The following PLPP4 variants were observed in gnomAD, a reference collection of about 807,000 sequenced individuals.
PLPP4 encodes the protein diacylglycerol pyrophosphate like 2.
A neutral mutation model predicts 32.2 loss-of-function variants in PLPP4; 20 were observed. That is an observed-to-expected ratio of 0.62 (90% CI 0.44 to 0.90). PLPP4 has a LOEUF of 0.90. Among genes scored for constraint, PLPP4 ranks in the 40% least tolerant of loss-of-function variants. The pLI is 0.00. For synonymous variants in PLPP4, 127 were observed against 133.0 expected (o/e 0.95, Z 0.31); for missense variants, 257 against 353.1 (o/e 0.73, Z 2.18).
intron 6 of PLPP4, among the ~76,000 whole-genome samples, chr10:120,582,207 G>T (rs1418775997): frequency 6.6e-6 from 1 of 152,214 alleles, no homozygotes; most frequent in Non-Finnish European, 1.5e-5. Context: ...CGTTCTGGAG[G>T]CTGGAAGTCT....
At position 120,536,622 on chromosome 10, in the gene PLPP4, T is replaced by C. The variant is rs1847030499; in HGVS notation, c.445+15527T>C. ...ACATAGGGAAATAAGATCCTCAACT[T>C]TGGTCTTCTTGGCAATGGTTTTTTA... On this transcript the variant is annotated intron_variant, in intron 5 of 6. Transcript: ENST00000398250. Among the ~76,000 whole-genome samples the C allele has an allele frequency of 2.7e-5, 4 of 149,566 alleles. 1 individual carries two copies. The South Asian group carries it at 8.4e-4, about 31-fold the overall frequency.
chr10:120,513,624 G>A (rs1279404409), intron 2 of PLPP4, among the ~76,000 whole-genome samples: 4 of 152,166 alleles, frequency 2.6e-5, no homozygotes, highest in Admixed American at 6.5e-5. Flanking sequence ...ATGATTCATC[G>A]TAATTATAGA....
chr10:120,533,294 A>G (rs1366438108), intron 5 of PLPP4, among the ~76,000 whole-genome samples: 3 of 152,084 alleles, frequency 2.0e-5, no homozygotes, highest in Non-Finnish European at 4.4e-5. Flanking sequence ...TCATTTGCTT[A>G]TTGGCCGTTT....
intron 1 of PLPP4, among the ~76,000 whole-genome samples, chr10:120,465,031 A>G (rs1848248546): frequency 6.6e-6 from 1 of 152,228 alleles, no homozygotes; most frequent in Admixed American, 6.5e-5. Context: ...AAAGAAGCAT[A>G]TGGTTTCATA....
intron 1 of PLPP4, 67 bp from the exon 2 acceptor site, chr10:120,503,751 C>T (rs1220597620): frequency 1.3e-6 from 2 of 1,584,338 alleles, no homozygotes; most frequent in African/African-American, 1.3e-5. Flanking sequence ...AGAAGGGGGG[C>T]CTCCTTGGGA....
At chr10:120,559,256 G>A (rs554117999) in intron 5 of PLPP4, among the ~76,000 whole-genome samples, 20 of 149,290 alleles carry the variant, frequency 1.3e-4, no homozygotes, top group African/African-American at 4.9e-4. Flanking sequence ...TTCTTTGTTG[G>A]TCATACTTGT....
intron 5 of PLPP4, among the ~76,000 whole-genome samples, chr10:120,570,578 G>A (rs1397155178): frequency 6.6e-6 from 1 of 152,186 alleles, no homozygotes; most frequent in Non-Finnish European, 1.5e-5. Context: ...TTTGGTGCCA[G>A]TTTTGTGTTT....
intron 5 of PLPP4, among the ~76,000 whole-genome samples, chr10:120,532,678 G>T (rs1210636107): frequency 6.6e-6 from 1 of 151,866 alleles, no homozygotes; most frequent in East Asian, 1.9e-4. Context: ...TTTACTTACT[G>T]TCTCTATAAT....
chr10:120,556,247 T>C (rs1042317162), intron 5 of PLPP4, among the ~76,000 whole-genome samples: 2 of 152,226 alleles, frequency 1.3e-5, no homozygotes, highest in African/African-American at 4.8e-5. Flanking sequence ...TTGATCACAC[T>C]GGGGAGAGTC....
intron 5 of PLPP4, among the ~76,000 whole-genome samples, chr10:120,550,312 G>A (rs1043184536): frequency 2.6e-5 from 4 of 151,906 alleles, no homozygotes; most frequent in African/African-American, 9.7e-5. Context: ...TAAGTGGAAA[G>A]TATACCATAT....
At chr10:120,522,342 T>C (rs910157746) in intron 5 of PLPP4, among the ~76,000 whole-genome samples, 3 of 152,146 alleles carry the variant, frequency 2.0e-5, no homozygotes, top group African/African-American at 4.8e-5. Context: ...AACGAGACAT[T>C]AGCTGGGGGC....
chr10:120,547,116 GATGAACATAGATAATGGAA>G lies in PLPP4; in HGVS notation c.445+26027_445+26045del, dbSNP rs1564831520. ...GTCTTTTTTTTTAATCTTTAAGAAT[GATGAACATAGATAATGGAA>G]ATGAAAGTTATTTTTCTTCATTTTC... On this transcript the variant is annotated intron_variant, in intron 5 of 6. Coordinates refer to ENST00000398250, the MANE Select transcript of PLPP4 (RefSeq NM_001030059.3). 2.6e-5 allele frequency among the ~76,000 whole-genome samples: 4 copies of G among 151,958 alleles called. No individual in the cohort carries two copies. In the East Asian group the frequency reaches 5.8e-4, roughly 22 times the overall value.
rs1183657201 is a variant in PLPP4, at chr10:120,478,942, A to C, written c.56+21581A>C. 3.3e-5 allele frequency among the ~76,000 whole-genome samples: 5 copies of C among 152,198 alleles called. No homozygotes were observed. The East Asian group carries it at 9.6e-4, about 29-fold the overall frequency. ...GGATAAGGAAATTCTGAGTCAAAAAACTGGCTGGGCGCAGTGGCTCACGCC... is the reference window on the plus strand; with the variant it reads ...GGATAAGGAAATTCTGAGTCAAAAACCTGGCTGGGCGCAGTGGCTCACGCC... On this transcript the variant is annotated intron_variant, in intron 1 of 6. Coordinates refer to ENST00000398250, the MANE Select transcript of PLPP4 (RefSeq NM_001030059.3).
At chr10:120,573,274 C>A (rs1849028418) in intron 5 of PLPP4, among the ~76,000 whole-genome samples, 1 of 152,174 alleles carries the variant, frequency 6.6e-6, no homozygotes, top group Non-Finnish European at 1.5e-5. Flanking sequence ...CTACGATAAA[C>A]CTGGTTTAAT....
chr10:120,566,018 A>G (rs1248749589), intron 5 of PLPP4, among the ~76,000 whole-genome samples: 1 of 152,074 alleles, frequency 6.6e-6, no homozygotes, highest in African/African-American at 2.4e-5. Flanking sequence ...TCATTTATAG[A>G]AATTCTATTT....
At chr10:120,511,160 G>T (rs940878471) in intron 2 of PLPP4, among the ~76,000 whole-genome samples, 1 of 152,174 alleles carries the variant, frequency 6.6e-6, no homozygotes, top group Non-Finnish European at 1.5e-5. Context: ...TTGGGGAAGT[G>T]GGGGTGAGGG....
At chr10:120,520,913 TG>T in intron 4 of PLPP4, 57 bp from the exon 5 acceptor site, 1 of 1,604,108 alleles carries the variant, frequency 6.2e-7, no homozygotes, top group Non-Finnish European at 8.5e-7. Flanking sequence ...GGGGTCAGCT[TG>T]GGGTCATTTG....
intron 1 of PLPP4, among the ~76,000 whole-genome samples, chr10:120,482,064 CT>C (rs1159113429): frequency 1.3e-5 from 2 of 152,168 alleles, no homozygotes; most frequent in African/African-American, 2.4e-5. Context: ...CAACTTCTTT[CT>C]TTTGTAAATT....
intron 5 of PLPP4, among the ~76,000 whole-genome samples, chr10:120,560,958 C>T (rs1378305723): frequency 6.6e-6 from 1 of 151,794 alleles, no homozygotes; most frequent in African/African-American, 2.4e-5. Flanking sequence ...TGTCGGTGCC[C>T]CTATCCCCCA....
Sources: allele counts gnomAD v4.1 joint callset (sites outside exome capture counted in the v4.1 genomes callset), GRCh38; gene constraint gnomAD v4.1.1; transcripts MANE v1.5; gene names NCBI Gene and HGNC (gene_info 2026-07-23, HGNC 2026-07-21).